EP400: variants seen among roughly 807,000 people sequenced by gnomAD.
EP400 encodes the protein E1A binding protein p400.
EP400 carries 105 observed loss-of-function variants against 354.1 expected under a neutral mutation model. That is an observed-to-expected ratio of 0.30 (90% confidence interval 0.25 to 0.35). The LOEUF is 0.35. Ranked by LOEUF, EP400 falls within the 10% of genes least tolerant of loss-of-function variation. The pLI, the probability that EP400 is intolerant of heterozygous loss-of-function variation, is 1.00. For missense variants in EP400, 3,280 were observed against 4,121.0 expected (o/e 0.80, Z 5.59); for synonymous variants, 1,646 against 1,716.9 (o/e 0.96, Z 1.02).
intron 2 of EP400, among the ~76,000 whole-genome samples, chr12:131,973,228 A>G (rs1447431244): frequency 2.6e-5 from 4 of 152,138 alleles, no homozygotes; most frequent in African/African-American, 9.7e-5. Context: ...TGTCTGTTCT[A>G]TTTAGAAAAA....
chr12:132,035,062 C>T (rs553232537), intron 30 of EP400, among the ~76,000 whole-genome samples: 1 of 152,018 alleles, frequency 6.6e-6, no homozygotes, highest in South Asian at 2.1e-4. Context: ...TACATAAAGA[C>T]CCCCCCTTAC....
chr12:132,014,850 A>G (rs896234674), intron 19 of EP400, among the ~76,000 whole-genome samples: 5 of 151,914 alleles, frequency 3.3e-5, no homozygotes, highest in African/African-American at 1.2e-4. Context: ...GTATGAGTGC[A>G]CTCTGGCCGT....
At chr12:132,063,369 C>T (rs990307645) in intron 47 of EP400, among the ~76,000 whole-genome samples, 46 of 152,172 alleles carry the variant, frequency 3.0e-4, no homozygotes, top group Non-Finnish European at 5.0e-4. Flanking sequence ...AAAAATTAGC[C>T]GGACGTGGTG....
Position 132,006,983 on chromosome 12 carries a change from T to G in EP400, c.3304+106T>G, listed in dbSNP as rs1205305595. The G allele has an allele frequency of 3.2e-6, 4 of 1,266,948 alleles. No individual in the cohort carries two copies. The South Asian group carries it at 5.4e-5, about 17-fold the overall frequency. The allele number at this position is 1,266,948 out of a possible 1,614,324, so 78.5% of individuals were successfully genotyped here. On this transcript the variant is annotated intron_variant, in intron 15 of 52. Coordinates refer to ENST00000389561, the MANE Select transcript of EP400 (RefSeq NM_015409.5). The stretch of plus-strand genomic sequence containing the variant: ...GACTTGGCTATCTTATCTACTTCTT[T>G]GCTCCTATCTGTTGACCTGAGCAAA...
chr12:132,071,130 C>T (rs1018436919), intron 51 of EP400, among the ~76,000 whole-genome samples: 1 of 152,168 alleles, frequency 6.6e-6, no homozygotes, highest in Non-Finnish European at 1.5e-5. Context: ...GTGTTTTTGT[C>T]AGAGTAAGAA....
chr12:131,974,849 G>T (rs1892415342), intron 2 of EP400, among the ~76,000 whole-genome samples: 1 of 151,820 alleles, frequency 6.6e-6, no homozygotes, highest in South Asian at 2.1e-4. Flanking sequence ...AATTAGCCGG[G>T]CTTGGTGGCA....
In EP400 at chr12:132,070,705, G is replaced by A. The variant is rs564638377; in HGVS notation, c.9021+1064G>A. On this transcript the variant is annotated intron_variant, in intron 51 of 52. Transcript: ENST00000389561. The surrounding 1 kb of genome is among the most constrained non-coding windows in gnomAD (Gnocchi z 4.1). ...TTTCCTTCAGATTCACCAATATGATGCATCTTTTGTTACTTAAGTCTTTTT... is the reference window on the plus strand; with the variant it reads ...TTTCCTTCAGATTCACCAATATGATACATCTTTTGTTACTTAAGTCTTTTT... Among the ~76,000 whole-genome samples, 2 of 152,302 alleles carry A rather than the reference G, an allele frequency of 1.3e-5. No homozygotes were observed. Among genetic ancestry groups the A allele is most frequent in the East Asian group, 3.9e-4 (2 of 5,188 alleles).
At position 132,066,785 on chromosome 12, in the gene EP400, C is replaced by T. The variant is rs1358678332; in HGVS notation, c.8565C>T (p.Pro2855=). Residue 2855 remains proline, a synonymous_variant, in exon 49 of 53, where the codon CCC becomes CCT. Transcript: ENST00000389561. The stretch of plus-strand genomic sequence containing the variant: ...TTTCTACTGTTTAGACCCGGGTTCC[C>T]ACTTCTCAGCTGCAGGCGCAAGGGC... ...NLQVARLTRV[P]TSQLQAQGQM... is the part of the protein sequence containing the mutation. 2.5e-6 allele frequency: 4 copies of T among 1,613,898 alleles called. No homozygotes were observed. The highest frequency in any genetic ancestry group is 3.4e-6 in the Non-Finnish European group (4 of 1,179,906).
At chr12:132,026,969 G>A (rs1213265474) in intron 25 of EP400, among the ~76,000 whole-genome samples, 1 of 152,204 alleles carries the variant, frequency 6.6e-6, no homozygotes, top group Non-Finnish European at 1.5e-5. Flanking sequence ...TATGAAACGG[G>A]CACTGGCTTG....
At chr12:131,954,119 CAA>C (rs749405303) in intron 1 of EP400, among the ~76,000 whole-genome samples, 18 of 151,788 alleles carry the variant, frequency 1.2e-4, no homozygotes, top group Non-Finnish European at 2.1e-4. Flanking sequence ...TCTTAAAAAA[CAA>C]GAGAAAATTT....
chr12:132,073,932 T>TG (rs1465025945), intron 51 of EP400, among the ~76,000 whole-genome samples: 2 of 133,308 alleles, frequency 1.5e-5, no homozygotes, highest in Non-Finnish European at 3.2e-5. Flanking sequence ...TTTTTTTTTT[T>TG]TTTTTTTTTT....
At chr12:131,998,953 G>A (rs1292903175) in intron 12 of EP400, among the ~76,000 whole-genome samples, 6 of 147,194 alleles carry the variant, frequency 4.1e-5, no homozygotes. Flanking sequence ...CTTCTCTGAA[G>A]AGTTTTTCCT....
intron 2 of EP400, among the ~76,000 whole-genome samples, chr12:131,966,945 A>G (rs1468694846): frequency 6.7e-6 from 1 of 148,992 alleles, no homozygotes; most frequent in African/African-American, 2.5e-5. Context: ...AGTGATACAC[A>G]CCTGTAGTAG....
intron 1 of EP400, among the ~76,000 whole-genome samples, chr12:131,955,272 A>G (rs1384950598): frequency 1.3e-5 from 2 of 151,124 alleles, no homozygotes; most frequent in African/African-American, 2.5e-5. Context: ...TATAATTTAC[A>G]TATGGTAAAA....
At chr12:131,996,265 G>A (rs1221341191) in intron 12 of EP400, among the ~76,000 whole-genome samples, 1 of 151,548 alleles carries the variant, frequency 6.6e-6, no homozygotes, top group Non-Finnish European at 1.5e-5. Flanking sequence ...TAGAGTGGGG[G>A]TGCCAAGCTC....
rs1312340414 is a variant in EP400, at chr12:131,994,846, A to G, written c.2738-21A>G. On this transcript the variant is annotated intron_variant, in intron 11 of 52. Transcript: ENST00000389561. The surrounding 1 kb of genome is among the most constrained non-coding windows in gnomAD (Gnocchi z 4.6). ...TCAAGTGGTGTTGCCTCTCAGTGAC[A>G]CTTGCTGATAACCATTTTAGTGGAC... 1.2e-6 allele frequency: 2 copies of G among 1,611,754 alleles called. No individual in the cohort carries two copies. Among genetic ancestry groups the G allele is most frequent in the Non-Finnish European group, 1.7e-6 (2 of 1,178,082 alleles).
rs760631723 is a variant in EP400 at position 132,050,294 on chromosome 12, C to T, written c.7201-29C>T. ...AGCCGTCTGTCCATGCTGCCTAATTCAGATGCACTCTCGTCAATTTCATTG... is the reference window on the plus strand; with the variant it reads ...AGCCGTCTGTCCATGCTGCCTAATTTAGATGCACTCTCGTCAATTTCATTG... On this transcript the variant is annotated intron_variant, in intron 39 of 52. Transcript: ENST00000389561. The surrounding 1 kb of genome is among the most constrained non-coding windows in gnomAD (Gnocchi z 4.8). 6.2e-7 allele frequency: 1 copy of T among 1,613,280 alleles called. No homozygotes were observed. Among genetic ancestry groups the T allele is most frequent in the Non-Finnish European group, 8.5e-7 (1 of 1,179,502 alleles).
intron 30 of EP400, among the ~76,000 whole-genome samples, chr12:132,032,622 G>GTTT (rs531629339): frequency 0.013 from 1,863 of 138,640 alleles, 38 homozygotes; most frequent in African/African-American, 0.046. Context: ...AAGAGAATTA[G>GTTT]TTTTTTTTTT....
At chr12:132,062,839 G>A (rs1165797160) in intron 47 of EP400, 138 bp downstream of exon 47, 11 of 1,100,788 alleles carry the variant, frequency 1.0e-5, no homozygotes, top group South Asian at 3.2e-5. Context: ...TGTAGGACGC[G>A]TGCTTCGTTT....
Sources: gnomAD v4.1 joint callset for allele counts (sites outside exome capture counted in the v4.1 genomes callset) on GRCh38, gnomAD v4.1.1 for gene constraint, Gnocchi (gnomAD v3.1) non-coding constraint, MANE v1.5 for transcripts, NCBI Gene and HGNC (gene_info 2026-07-23, HGNC 2026-07-21) for gene names.